Variants in SPECC1 observed in about 807,000 individuals in gnomAD.
The protein encoded by SPECC1 is cytospin-B.
SPECC1 carries 62 observed loss-of-function variants against 104.1 expected under a neutral mutation model. The observed-to-expected ratio is 0.60, with a 90% CI of 0.49 to 0.74. The LOEUF (loss-of-function observed/expected upper bound fraction) is 0.74. Among genes scored for constraint, SPECC1 ranks in the 30% least tolerant of loss-of-function variants. The pLI is 0.00. For missense variants in SPECC1, 1,306 were observed against 1,310.5 expected (o/e 1.00, Z 0.05); for synonymous variants, 513 against 501.6 (o/e 1.02, Z -0.30).
intron 1 of SPECC1, among the ~76,000 whole-genome samples, chr17:20,069,441 T>A (rs1487607991): frequency 2.0e-5 from 3 of 152,226 alleles, no homozygotes; most frequent in African/African-American, 7.2e-5. Flanking sequence ...AATATAGTCA[T>A]GAAGTTTTAC....
At chr17:20,200,518 G>A (rs1305199177) in intron 3 of SPECC1, among the ~76,000 whole-genome samples, 5 of 152,176 alleles carry the variant, frequency 3.3e-5, no homozygotes, top group African/African-American at 4.8e-5. Context: ...ATCCAATGGT[G>A]CTGGCTGAGC....
intron 12 of SPECC1, among the ~76,000 whole-genome samples, chr17:20,285,395 G>A (rs996378377): frequency 6.6e-6 from 1 of 151,800 alleles, no homozygotes; most frequent in Non-Finnish European, 1.5e-5. Context: ...CATTGAGGTG[G>A]ACAAAATTCT....
chr17:20,084,907 C>G (rs2047117989), intron 1 of SPECC1, among the ~76,000 whole-genome samples: 1 of 152,214 alleles, frequency 6.6e-6, no homozygotes, highest in Non-Finnish European at 1.5e-5. Flanking sequence ...GGGAAACAGT[C>G]TTTGTCTGGT....
intron 1 of SPECC1, among the ~76,000 whole-genome samples, chr17:20,085,364 G>A (rs554264600): frequency 4.6e-5 from 7 of 152,302 alleles, no homozygotes; most frequent in African/African-American, 1.4e-4. Flanking sequence ...AGGGGGCAGC[G>A]GAAGTGCTGT....
At chr17:20,192,887 G>C (rs2035764902) in intron 3 of SPECC1, among the ~76,000 whole-genome samples, 1 of 152,128 alleles carries the variant, frequency 6.6e-6, no homozygotes, top group Admixed American at 6.5e-5. Flanking sequence ...AGGAAAGGGG[G>C]CCCGATCCAG....
At chr17:20,079,982 G>A (rs2152489886) in intron 1 of SPECC1, among the ~76,000 whole-genome samples, 1 of 152,220 alleles carries the variant, frequency 6.6e-6, no homozygotes, top group Middle Eastern at 3.4e-3. Flanking sequence ...TCCTTTCACT[G>A]GGACCACTGT....
chr17:20,029,499 T>C (rs1021380341), intron 1 of SPECC1, among the ~76,000 whole-genome samples: 1 of 152,208 alleles, frequency 6.6e-6, no homozygotes, highest in African/African-American at 2.4e-5. Context: ...AGAACTGATG[T>C]TAATTTATAT....
intron 3 of SPECC1, among the ~76,000 whole-genome samples, chr17:20,137,639 T>G (rs927548198): frequency 6.6e-6 from 1 of 152,120 alleles, no homozygotes; most frequent in African/African-American, 2.4e-5. Context: ...CTTTAAAAGG[T>G]TTTTTTAAAA....
At chr17:20,056,578 C>T (rs559281888) in intron 1 of SPECC1, 102 of 210,534 alleles carry the variant, frequency 4.8e-4, no homozygotes, top group African/African-American at 2.3e-3. Context: ...AGTTTACCTC[C>T]CAATAAATAG....
intron 3 of SPECC1, among the ~76,000 whole-genome samples, chr17:20,180,832 A>G (rs2034829473): frequency 1.3e-5 from 2 of 152,318 alleles, no homozygotes; most frequent in South Asian, 4.1e-4. Context: ...ATATGTTGCA[A>G]ACATATTTAT....
chr17:20,232,151 A>G (rs567396609), intron 6 of SPECC1, 49 bp from the exon 7 acceptor site: 6 of 1,599,522 alleles, frequency 3.8e-6, no homozygotes, highest in Non-Finnish European at 5.1e-6. Context: ...CTGCCCAGGC[A>G]CTGGCCCTGG....
chr17:20,047,831 C>T (rs1265129657), intron 1 of SPECC1, among the ~76,000 whole-genome samples: 1 of 151,852 alleles, frequency 6.6e-6, no homozygotes, highest in Non-Finnish European at 1.5e-5. Context: ...TCTCCTGACC[C>T]TGTGGTCCCC....
At chr17:20,182,119 C>CTTTTTTTTTTTTTTTTTTTTTT (rs57991209) in intron 3 of SPECC1, among the ~76,000 whole-genome samples, 3 of 136,580 alleles carry the variant, frequency 2.2e-5, no homozygotes, top group African/African-American at 2.8e-5. Flanking sequence ...CTTTCTTTTT[C>CTTTTTTTTTTTTTTTTTTTTTT]TTTTTTTTTT....
At chr17:20,045,047 G>C (rs1423707956) in intron 1 of SPECC1, among the ~76,000 whole-genome samples, 2 of 152,168 alleles carry the variant, frequency 1.3e-5, no homozygotes, top group Admixed American at 6.5e-5. Context: ...AGTAATTCTT[G>C]CTTGGGGTAA....
chr17:20,115,538 T>G (rs1165841419), intron 3 of SPECC1, among the ~76,000 whole-genome samples: 1 of 151,844 alleles, frequency 6.6e-6, no homozygotes, highest in African/African-American at 2.4e-5. Flanking sequence ...TGCATAGGAT[T>G]CAACAATAAA....
intron 3 of SPECC1, among the ~76,000 whole-genome samples, chr17:20,129,756 T>G (rs1285037239): frequency 6.6e-6 from 1 of 151,912 alleles, no homozygotes; most frequent in Non-Finnish European, 1.5e-5. Context: ...GTTTTGTTTG[T>G]TTGTTTGGTT....
chr17:20,010,364 G>A (rs1298909659), intron 1 of SPECC1: 1 of 152,200 alleles, frequency 6.6e-6, no homozygotes, highest in Non-Finnish European at 1.5e-5. Flanking sequence ...AGCAGATAAA[G>A]TGTTTTTTGA....
intron 1 of SPECC1, among the ~76,000 whole-genome samples, chr17:20,050,869 T>C (rs2045713284): frequency 6.6e-6 from 1 of 152,214 alleles, no homozygotes; most frequent in Admixed American, 6.5e-5. Context: ...AAAAAGTTAC[T>C]AGTAACTCTT....
chr17:20,124,526 C>T (rs2049187875), intron 3 of SPECC1, among the ~76,000 whole-genome samples: 1 of 152,070 alleles, frequency 6.6e-6, no homozygotes. Flanking sequence ...CACAGAATGC[C>T]AGGAATGAGT....
Sources: allele counts gnomAD v4.1 joint callset (sites outside exome capture counted in the v4.1 genomes callset), GRCh38; gene constraint gnomAD v4.1.1; transcripts MANE v1.5; gene names NCBI Gene and HGNC (gene_info 2026-07-23, HGNC 2026-07-21).